PDE1C: variants seen among roughly 807,000 people sequenced by gnomAD.
The protein encoded by PDE1C is dual specificity calcium/calmodulin-dependent 3',5'-cyclic nucleotide phosphodiesterase 1C.
Under a neutral mutation model 93.1 loss-of-function variants are expected in PDE1C, and 62 were observed. The observed-to-expected ratio is 0.67, with a 90% confidence interval of 0.54 to 0.82. The LOEUF is 0.82. PDE1C is among the 40% of genes least tolerant of loss of function. The pLI is 0.00. For synonymous variants in PDE1C, 325 were observed against 310.1 expected (o/e 1.05, Z -0.50); for missense variants, 742 against 884.6 (o/e 0.84, Z 2.04).
the PDE1C span, among the ~76,000 whole-genome samples, chr7:31,689,954 G>A: frequency 6.6e-6 from 1 of 152,210 alleles, no homozygotes; most frequent in East Asian, 1.9e-4. Context: ...ATTTGAAATA[G>A]TGTTGTTTCT....
At chr7:32,311,708 T>C (rs2128904732) in intron 1 of PDE1C, among the ~76,000 whole-genome samples, 1 of 152,180 alleles carries the variant, frequency 6.6e-6, no homozygotes, top group Non-Finnish European at 1.5e-5. Flanking sequence ...TCAACAACCC[T>C]TCATGCTAAA....
chr7:32,427,766 A>T (rs1405237677), intron 1 of PDE1C: 1 of 152,262 alleles, frequency 6.6e-6, no homozygotes, highest in African/African-American at 2.4e-5. Context: ...CTTTTCCCCC[A>T]GAAAGTCTCC....
intron 16 of PDE1C, among the ~76,000 whole-genome samples, chr7:31,778,943 G>C (rs1251727593): frequency 1.3e-5 from 2 of 152,146 alleles, no homozygotes; most frequent in Non-Finnish European, 2.9e-5. Context: ...TTTTTCCCCT[G>C]ACTCTTGCTG....
At chr7:32,146,479 C>A (rs1800843347) in intron 3 of PDE1C, among the ~76,000 whole-genome samples, 1 of 152,094 alleles carries the variant, frequency 6.6e-6, no homozygotes, top group Non-Finnish European at 1.5e-5. Context: ...TAGCAGTGTG[C>A]CATCTTCAGA....
chr7:31,854,826 G>A (rs1283335861), intron 7 of PDE1C, among the ~76,000 whole-genome samples: 2 of 152,070 alleles, frequency 1.3e-5, no homozygotes, highest in Non-Finnish European at 2.9e-5. Context: ...CAGCACTTTG[G>A]GAGGCCAAGG....
intron 3 of PDE1C, among the ~76,000 whole-genome samples, chr7:32,136,082 CAG>C (rs1563342589): frequency 1.3e-5 from 2 of 152,014 alleles, no homozygotes; most frequent in African/African-American, 4.8e-5. Flanking sequence ...CTCATAGAAC[CAG>C]AGAGTAGAAT....
chr7:32,338,228 G>T (rs1783669337), intron 1 of PDE1C, among the ~76,000 whole-genome samples: 8 of 152,036 alleles, frequency 5.3e-5, no homozygotes, highest in Admixed American at 5.2e-4. Context: ...TCCAGTAAGG[G>T]GTTATTATCC....
upstream of PDE1C, among the ~76,000 whole-genome samples, chr7:32,302,055 C>T (rs1414594667): frequency 2.0e-5 from 3 of 152,318 alleles, no homozygotes; most frequent in Middle Eastern, 3.4e-3. Flanking sequence ...TTTCTGGCTG[C>T]TTTCACACTA....
chr7:31,781,259 C>A (rs897532878), intron 16 of PDE1C, among the ~76,000 whole-genome samples: 3 of 152,172 alleles, frequency 2.0e-5, no homozygotes, highest in Non-Finnish European at 2.9e-5. Flanking sequence ...CCTGGCCAAG[C>A]CTATGCCTGC....
intron 2 of PDE1C, among the ~76,000 whole-genome samples, chr7:32,034,108 A>G (rs1790717099): frequency 6.7e-6 from 1 of 149,058 alleles, no homozygotes; most frequent in Non-Finnish European, 1.5e-5. Context: ...TGTAAAGTGT[A>G]TTTTTTTACT....
chr7:31,919,821 G>A (rs1362803919), intron 2 of PDE1C, among the ~76,000 whole-genome samples: 1 of 152,160 alleles, frequency 6.6e-6, no homozygotes, highest in Non-Finnish European at 1.5e-5. Context: ...TGAAACCCCA[G>A]GTTGCTTGGT....
intron 2 of PDE1C, among the ~76,000 whole-genome samples, chr7:31,965,096 AT>A: frequency 6.6e-6 from 1 of 152,346 alleles, no homozygotes; most frequent in South Asian, 2.1e-4. Flanking sequence ...CAACGGAACA[AT>A]GCTGGACGGA....
chr7:31,854,638 G>A (rs1051520539), intron 7 of PDE1C, among the ~76,000 whole-genome samples: 5 of 152,162 alleles, frequency 3.3e-5, no homozygotes, highest in African/African-American at 1.2e-4. Flanking sequence ...GAAGGGAAAG[G>A]ACATGGCCAA....
intron 11 of PDE1C, among the ~76,000 whole-genome samples, chr7:31,831,411 C>T (rs993113067): frequency 6.6e-6 from 1 of 151,836 alleles, no homozygotes; most frequent in Admixed American, 6.6e-5. Flanking sequence ...AGGCAAGATG[C>T]CAAGAGGCTA....
At chr7:31,711,961 T>TAC in the PDE1C span, among the ~76,000 whole-genome samples, 2 of 152,146 alleles carry the variant, frequency 1.3e-5, no homozygotes, top group African/African-American at 4.8e-5. Context: ...ACCCATCTCC[T>TAC]ACTCTTTGCC....
intron 3 of PDE1C, among the ~76,000 whole-genome samples, chr7:32,090,120 T>G (rs1797384287): frequency 6.6e-6 from 1 of 152,220 alleles, no homozygotes; most frequent in Non-Finnish European, 1.5e-5. Flanking sequence ...GATTAAATAC[T>G]ACACAGCTGA....
chr7:32,060,492 T>G (rs1554490805), intron 1 of PDE1C, among the ~76,000 whole-genome samples: 1 of 152,160 alleles, frequency 6.6e-6, no homozygotes, highest in Non-Finnish European at 1.5e-5. Flanking sequence ...AAACACACGC[T>G]CTATAAATCT....
intron 1 of PDE1C, among the ~76,000 whole-genome samples, chr7:32,066,038 A>C (rs1232138785): frequency 2.0e-5 from 3 of 152,198 alleles, no homozygotes; most frequent in Non-Finnish European, 2.9e-5. Flanking sequence ...CCTATCATAA[A>C]AGGTCTTCTC....
At chr7:31,672,115 A>T in the PDE1C span, among the ~76,000 whole-genome samples, 1 of 152,160 alleles carries the variant, frequency 6.6e-6, no homozygotes, top group Non-Finnish European at 1.5e-5. Flanking sequence ...TCAAAGCTGA[A>T]CTGTGACTTT....
Sources: gnomAD v4.1 joint callset for allele counts (sites outside exome capture counted in the v4.1 genomes callset) on GRCh38, gnomAD v4.1.1 for gene constraint, MANE v1.5 for transcripts, NCBI Gene and HGNC (gene_info 2026-07-23, HGNC 2026-07-21) for gene names.